SLC44A5: variants seen among roughly 807,000 people sequenced by gnomAD.
The protein encoded by SLC44A5 is solute carrier family 44 member 5.
A neutral mutation model predicts 101.8 loss-of-function variants in SLC44A5; 57 were observed. The ratio of observed to expected loss-of-function variants is 0.56; its 90% CI spans 0.45 to 0.70. The LOEUF (loss-of-function observed/expected upper bound fraction) is 0.70. SLC44A5 is among the 30% of genes least tolerant of loss of function. SLC44A5 has a pLI of 0.00. For synonymous variants in SLC44A5, 281 were observed against 290.9 expected, an observed-to-expected ratio of 0.97 and a Z score of 0.35; for missense variants, 737 against 853.1, an observed-to-expected ratio of 0.86 and a Z score of 1.70.
intron 3 of SLC44A5, among the ~76,000 whole-genome samples, chr1:75,391,980 C>T (rs1661818174): frequency 6.6e-6 from 1 of 151,966 alleles, no homozygotes; most frequent in African/African-American, 2.4e-5. Flanking sequence ...ATAGTGAGAC[C>T]CCCATCTCTA....
At chr1:75,351,657 T>C (rs1321207466) in intron 3 of SLC44A5, among the ~76,000 whole-genome samples, 1 of 151,926 alleles carries the variant, frequency 6.6e-6, no homozygotes, top group Non-Finnish European at 1.5e-5. Context: ...GGCAAGATAA[T>C]GTGCTTTGAT....
At chr1:75,543,255 A>C (rs924351746) in intron 1 of SLC44A5, among the ~76,000 whole-genome samples, 5 of 152,102 alleles carry the variant, frequency 3.3e-5, no homozygotes, top group Non-Finnish European at 7.4e-5. Context: ...CTACAATACT[A>C]AATTGCTTAA....
At chr1:75,371,704 A>C (rs143204843) in intron 3 of SLC44A5, among the ~76,000 whole-genome samples, 1 of 152,340 alleles carries the variant, frequency 6.6e-6, no homozygotes, top group South Asian at 2.1e-4. Flanking sequence ...CATTTGTATT[A>C]CTTTAGACTA....
At chr1:75,662,801 T>G in the SLC44A5 span, among the ~76,000 whole-genome samples, 4 of 152,258 alleles carry the variant, frequency 2.6e-5, no homozygotes, top group Non-Finnish European at 5.9e-5. Context: ...GACTATTCTT[T>G]CTGTGTACTT....
At chr1:75,214,723 T>G in intron 19 of SLC44A5, 45 bp from the exon 20 acceptor site, 2 of 1,488,458 alleles carry the variant, frequency 1.3e-6, no homozygotes, top group Non-Finnish European at 1.9e-6. Flanking sequence ...TAACATACTC[T>G]AACAAGATCA....
At chr1:75,369,147 A>C (rs1410884811) in intron 3 of SLC44A5, among the ~76,000 whole-genome samples, 1 of 151,644 alleles carries the variant, frequency 6.6e-6, no homozygotes, top group Non-Finnish European at 1.5e-5. Context: ...CTGAGTAGCT[A>C]TGACTACTGG....
At chr1:75,469,900 GAAAAAAAA>G (rs1171157547) in intron 2 of SLC44A5, among the ~76,000 whole-genome samples, 2 of 80,562 alleles carry the variant, frequency 2.5e-5, no homozygotes, top group Admixed American at 1.7e-4. Flanking sequence ...ACCTTGTGAA[GAAAAAAAA>G]AAAAAAAAAA....
chr1:75,664,358 G>T, the SLC44A5 span, among the ~76,000 whole-genome samples: 2 of 152,058 alleles, frequency 1.3e-5, no homozygotes, highest in East Asian at 3.9e-4. Flanking sequence ...AATAGGAAAA[G>T]AAAAAGTCAA....
chr1:75,630,903 C>T, the SLC44A5 span, among the ~76,000 whole-genome samples: 5 of 152,142 alleles, frequency 3.3e-5, no homozygotes, highest in African/African-American at 4.8e-5. Context: ...TCAGAAACAA[C>T]TTAGAACACC....
chr1:75,688,213 CT>C, the SLC44A5 span, among the ~76,000 whole-genome samples: 1 of 152,184 alleles, frequency 6.6e-6, no homozygotes, highest in African/African-American at 2.4e-5. Flanking sequence ...CTTGGCTAGC[CT>C]CCTAGGAGCA....
chr1:75,351,075 C>T (rs965786084), intron 3 of SLC44A5, among the ~76,000 whole-genome samples: 6 of 149,982 alleles, frequency 4.0e-5, no homozygotes, highest in Admixed American at 4.0e-4. Flanking sequence ...ATTGAAAGTA[C>T]AGCAAAACTC....
intron 3 of SLC44A5, among the ~76,000 whole-genome samples, chr1:75,395,787 C>T (rs1249814): frequency 1.3e-5 from 2 of 151,922 alleles, no homozygotes; most frequent in Admixed American, 1.3e-4. Flanking sequence ...TGGTGATCAC[C>T]GTTAATAATA....
intron 6 of SLC44A5, among the ~76,000 whole-genome samples, chr1:75,268,753 T>G (rs1651213766): frequency 1.3e-5 from 2 of 152,188 alleles, no homozygotes; most frequent in African/African-American, 4.8e-5. Flanking sequence ...ACTTCATTTC[T>G]TGAATTAACA....
At chr1:75,633,148 T>C in the SLC44A5 span, among the ~76,000 whole-genome samples, 1 of 152,192 alleles carries the variant, frequency 6.6e-6, no homozygotes, top group Non-Finnish European at 1.5e-5. Flanking sequence ...ATAATATGAT[T>C]ACTTAAAATG....
chr1:75,555,574 G>T (rs1217214327), intron 1 of SLC44A5, among the ~76,000 whole-genome samples: 1 of 151,992 alleles, frequency 6.6e-6, no homozygotes, highest in Non-Finnish European at 1.5e-5. Context: ...TACATGGAGT[G>T]CCCGTTCAAA....
chr1:75,700,267 C>T, the SLC44A5 span, among the ~76,000 whole-genome samples: 1 of 152,158 alleles, frequency 6.6e-6, no homozygotes, highest in Non-Finnish European at 1.5e-5. Flanking sequence ...TAAAGCACCC[C>T]TCAGCAAATA....
rs1038537552 is a variant in SLC44A5 at position 75,524,316 on chromosome 1, T to C, written c.13+17119A>G. 2.0e-5 allele frequency among the ~76,000 whole-genome samples: 3 copies of C among 152,170 alleles called. No homozygotes were observed. The East Asian group carries it at 5.8e-4, about 29-fold the overall frequency. On this transcript the variant is annotated intron_variant, in intron 2 of 23. Transcript: ENST00000370859. ...CCAGACGTGTCTCCTGTACAGCCTATGGAACTATAAGACAATTAAACCTCT... is the reference window on the plus strand; with the variant it reads ...CCAGACGTGTCTCCTGTACAGCCTACGGAACTATAAGACAATTAAACCTCT...
the SLC44A5 span, among the ~76,000 whole-genome samples, chr1:75,639,579 A>G: frequency 2.0e-5 from 3 of 151,984 alleles, no homozygotes; most frequent in Non-Finnish European, 4.4e-5. Context: ...TTTCATCCAG[A>G]CCCACCGTGT....
chr1:75,413,649 C>T (rs1009005029), intron 2 of SLC44A5, among the ~76,000 whole-genome samples: 3 of 152,098 alleles, frequency 2.0e-5, no homozygotes, highest in Non-Finnish European at 4.4e-5. Context: ...GTACAACTTC[C>T]TTTCTCTCTA....
Sources: allele counts gnomAD v4.1 joint callset (sites outside exome capture counted in the v4.1 genomes callset), GRCh38; gene constraint gnomAD v4.1.1; transcripts MANE v1.5; gene names NCBI Gene and HGNC (gene_info 2026-07-23, HGNC 2026-07-21).